The following DRAP1 variants were observed in gnomAD, a reference collection of about 807,000 sequenced individuals.
DRAP1 encodes DR1 associated protein 1, also known as dr1-associated corepressor.
DRAP1 carries 10 observed loss-of-function variants against 24.1 expected under a neutral mutation model. The ratio of observed to expected loss-of-function variants is 0.41; its 90% CI spans 0.26 to 0.70. DRAP1 has a LOEUF of 0.70. DRAP1 is among the 30% of genes least tolerant of loss of function. The pLI, the probability that DRAP1 is intolerant of heterozygous loss-of-function variation, is 0.29. For missense variants in DRAP1, 264 were observed against 275.6 expected (o/e 0.96, Z 0.30); for synonymous variants, 122 against 113.8 (o/e 1.07, Z -0.46).
intron 6 of DRAP1, 97 bp downstream of exon 6, chr11:65,921,069 C>A: frequency 3.1e-6 from 3 of 955,302 alleles, no homozygotes; most frequent in South Asian, 1.7e-5. Flanking sequence ...TTGATTGTGG[C>A]AGATTTGTGG....
chr11:65,921,112 G>A (rs1854545203), intron 6 of DRAP1, 140 bp downstream of exon 6: 2 of 720,704 alleles, frequency 2.8e-6, no homozygotes, highest in Non-Finnish European at 4.5e-6. Context: ...AGGGCTTGAA[G>A]GCAGGAGACT....
At position 65,919,841 on chromosome 11, in the gene DRAP1, C is replaced by T. The variant is rs753828914; in HGVS notation, c.104C>T (p.Pro35Leu). ...EEIGKVAAAV[P>L]VIISRALELF... ...ATTGGGAAGGTGGCGGCGGCGGTGC[C>T]TGTCATCATCTGTATCCTGCCGGGG... is the stretch of plus-strand genomic sequence containing the variant. Residue 35 changes from proline to leucine, a missense_variant, in exon 2 of 7, where the codon CCT (proline) becomes CTT (leucine). By Grantham distance (98) the Pro-to-Leu change is moderately conservative. This residue lies in a region of DRAP1 where 243 missense variants were observed against 233.6 expected (regional missense o/e 1.04). Transcript: ENST00000312515. The T allele has an allele frequency of 6.2e-7, 1 of 1,613,028 alleles. No homozygotes were observed. The highest frequency in any genetic ancestry group is 8.5e-7 in the Non-Finnish European group (1 of 1,179,948).
rs1854524717 is a variant in DRAP1 at position 65,919,813 on chromosome 11, G to A, written c.76G>A (p.Glu26Lys). Reference sequence around the variant, plus strand: ...CAAGAAGATCATGCAGACGGACGAAGAGATTGGGAAGGTGGCGGCGGCGGT... The same window carrying A: ...CAAGAAGATCATGCAGACGGACGAAAAGATTGGGAAGGTGGCGGCGGCGGT... ...RIKKIMQTDEEIGKVAAAVPV... is the reference protein window; with the variant it reads ...RIKKIMQTDEKIGKVAAAVPV... The change falls in exon 2 of 7, where the codon GAG becomes AAG. Residue 26 changes from glutamate (E) to lysine (K), a missense_variant. Transcript: ENST00000312515. 6.2e-7 allele frequency: 1 copy of A among 1,613,092 alleles called. No homozygotes were observed. Among genetic ancestry groups the A allele is most frequent in the Non-Finnish European group, 8.5e-7 (1 of 1,179,956 alleles).
rs778203628 is a variant in DRAP1, at chr11:65,919,594, T to TG, written c.42+54dup. On this transcript the variant is annotated intron_variant, in intron 1 of 6. Coordinates refer to ENST00000312515, the MANE Select transcript of DRAP1 (RefSeq NM_006442.4). ...GAGTGGGCCCGGCTCCCGGGTGGCT[T>TG]GGGCCCAGTTCCCGCTGGGCAGGCG... 555 of 1,546,940 alleles carry TG rather than the reference T, an allele frequency of 3.6e-4. 1 individual carries two copies. The highest frequency in any genetic ancestry group is 4.7e-4 in the Non-Finnish European group (544 of 1,145,476).
rs377298926 is a variant in DRAP1 at position 65,920,984 on chromosome 11, A to G, written c.512+12A>G. On this transcript the variant is annotated intron_variant, in intron 6 of 6. Coordinates refer to ENST00000312515, the MANE Select transcript of DRAP1 (RefSeq NM_006442.4). ...GCCCACTTTCAGAGGTGAGCAGCCC[A>G]GAGGCATGGGAGGGTGCTGGCAGAC... 56 of 1,595,650 alleles carry G rather than the reference A, an allele frequency of 3.5e-5. No individual in the cohort carries two copies. Among genetic ancestry groups the G allele is most frequent in the Non-Finnish European group, 4.4e-5 (52 of 1,170,762 alleles).
chr11:65,920,122 G>C (rs779613613), intron 3 of DRAP1, 81 bp downstream of exon 3: 19 of 1,540,228 alleles, frequency 1.2e-5, no homozygotes, highest in Non-Finnish European at 1.7e-5. Flanking sequence ...CCTGGGTGGC[G>C]AGGGAGGTGG....
chr11:65,919,630 G>A (rs1211144333), intron 1 of DRAP1, 87 bp downstream of exon 1: 17 of 1,535,466 alleles, frequency 1.1e-5, no homozygotes, highest in Middle Eastern at 2.0e-4. Flanking sequence ...GGCGCGCCGC[G>A]GTGTTCGGGG....
At chr11:65,919,592 C>A (rs1227663711) in intron 1 of DRAP1, 49 bp downstream of exon 1, 6 of 1,547,346 alleles carry the variant, frequency 3.9e-6, no homozygotes, top group Non-Finnish European at 4.4e-6. Flanking sequence ...TCCCGGGTGG[C>A]TTGGGCCCAG....
rs765897732 is a variant in DRAP1, at chr11:65,920,395, G to T, written c.262G>T (p.Ala88Ser). The change falls in exon 4 of 7, where the codon GCA becomes TCA. Residue 88 changes from alanine (A) to serine (S), a missense_variant. Physicochemically the swap from Ala to Ser is moderately conservative, Grantham distance 99. Transcript: ENST00000312515. ...GTTTGACTTCTTGAAGGACCTGGTG[G>T]CATCTGTTCCCGACATGCAGGGGGA... ...QQFDFLKDLV[A>S]SVPDMQGDGE... is the part of the protein sequence containing the mutation. 7 of 1,614,000 alleles carry T rather than the reference G, an allele frequency of 4.3e-6. No individual in the cohort carries two copies. The African/African-American group carries it at 8.0e-5, about 18-fold the overall frequency.
At chr11:65,920,070 G>T (rs1239204564) in intron 3 of DRAP1, 29 bp downstream of exon 3, 2 of 1,606,286 alleles carry the variant, frequency 1.2e-6, no homozygotes, top group Non-Finnish European at 1.7e-6. Context: ...GGAGGGGCCG[G>T]CGGGTTTGGC....
intron 6 of DRAP1, 37 bp downstream of exon 6, chr11:65,921,009 C>G: frequency 1.3e-6 from 2 of 1,505,842 alleles, no homozygotes; most frequent in East Asian, 4.6e-5. Flanking sequence ...TGCTGGCAGA[C>G]TCCCCAGAGC....
chr11:65,921,533 AAAAT>A lies in DRAP1; in HGVS notation c.*102_*105del, dbSNP rs1203625453. The A allele has an allele frequency of 3.4e-6, 2 of 583,758 alleles. No individual in the cohort carries two copies. The highest frequency in any genetic ancestry group is 6.0e-6 in the Non-Finnish European group (2 of 331,172). The allele number at this position is 583,758 out of a possible 1,614,324, so 36.2% of individuals were successfully genotyped here. ...GCTGTTCTTAAATTTATTAAAAAAA[AAAAT>A]AAAAGGGAATCTCAGTGTCTGTTCC... On this transcript the variant is annotated 3_prime_UTR_variant, in exon 7 of 7. Transcript: ENST00000312515.
chr11:65,920,142 G>A, intron 3 of DRAP1, 101 bp downstream of exon 3: 1 of 1,478,258 alleles, frequency 6.8e-7, no homozygotes, highest in Non-Finnish European at 9.2e-7. Flanking sequence ...GGCGGCAGCC[G>A]GGACACCAGC....
chr11:65,919,507 G>C lies in DRAP1; in HGVS notation c.6G>C (p.Pro2=). 1 of 1,543,748 alleles carries C rather than the reference G, an allele frequency of 6.5e-7. No individual in the cohort carries two copies. Among genetic ancestry groups the C allele is most frequent in the South Asian group, 1.2e-5 (1 of 83,580 alleles). The change falls in exon 1 of 7, where the codon CCG becomes CCC. Residue 2 remains proline, a synonymous_variant. Transcript: ENST00000312515. M[P]SKKKKYNARF... The stretch of plus-strand genomic sequence containing the variant: ...GCGGCGAGAGAGGCCCCGAGATGCC[G>C]AGCAAGAAGAAGAAGTACAACGCGC...
intron 4 of DRAP1, 28 bp downstream of exon 4, chr11:65,920,490 G>A: frequency 6.2e-7 from 1 of 1,613,496 alleles, no homozygotes; most frequent in Non-Finnish European, 8.5e-7. Context: ...CATACAGTGG[G>A]GAAGGCCAAG....
At chr11:65,919,662 C>A (rs1854522264) in intron 1 of DRAP1, 118 bp from the exon 2 acceptor site, 1 of 1,522,026 alleles carries the variant, frequency 6.6e-7, no homozygotes, top group African/African-American at 1.4e-5. Context: ...CCGCCCCCTC[C>A]ATGCCCTCCC....
At chr11:65,921,117 G>A in intron 6 of DRAP1, 145 bp downstream of exon 6, 2 of 717,958 alleles carry the variant, frequency 2.8e-6, no homozygotes. Context: ...TTGAAGGCAG[G>A]AGACTGTTCT....
chr11:65,919,550 A>G lies in DRAP1; in HGVS notation c.42+7A>G. The G allele has an allele frequency of 6.5e-7, 1 of 1,548,126 alleles. No homozygotes were observed. The highest frequency in any genetic ancestry group is 8.7e-7 in the Non-Finnish European group (1 of 1,146,016). On this transcript the variant is annotated splice_region_variant and intron_variant, in intron 1 of 6. Coordinates refer to ENST00000312515, the MANE Select transcript of DRAP1 (RefSeq NM_006442.4). Reference sequence around the variant, plus strand: ...CAACGCGCGGTTCCCGCCGGTGAGCACGTGGCAGAGCCCGGCAGGAGTGGG... The same window carrying G: ...CAACGCGCGGTTCCCGCCGGTGAGCGCGTGGCAGAGCCCGGCAGGAGTGGG...
Position 65,921,302 on chromosome 11 carries a change from T to A in DRAP1, c.513-28T>A, listed in dbSNP as rs377053563. ...TGGAGGGCACGGTGGGGCTCAGGCC[T>A]GACTCTCTCCTGCCTTCTGCCCTGC... is the stretch of plus-strand genomic sequence containing the variant. On this transcript the variant is annotated intron_variant, in intron 6 of 6. Coordinates refer to ENST00000312515, the MANE Select transcript of DRAP1 (RefSeq NM_006442.4). The A allele has an allele frequency of 1.7e-5, 24 of 1,382,800 alleles. No homozygotes were observed. The African/African-American group carries it at 3.0e-4, about 17-fold the overall frequency. 85.7% of individuals were successfully genotyped at this position (1,382,800 alleles called of 1,614,324 possible).
Sources: allele counts gnomAD v4.1 joint callset, GRCh38; gene constraint gnomAD v4.1.1; regional missense constraint gnomAD v4.1.1; transcripts MANE v1.5; gene names NCBI Gene and HGNC (gene_info 2026-07-23, HGNC 2026-07-21).